Variants in RERE observed in about 807,000 individuals in gnomAD.
RERE encodes arginine-glutamic acid dipeptide repeats protein.
A neutral mutation model predicts 146.1 loss-of-function variants in RERE; 40 were observed. The observed-to-expected ratio is 0.27, with a 90% CI of 0.21 to 0.36. The LOEUF (loss-of-function observed/expected upper bound fraction) is 0.36. Ranked by LOEUF, RERE falls within the 10% of genes least tolerant of loss-of-function variation. RERE has a pLI of 1.00. For missense variants in RERE, 1,933 were observed against 2,138.7 expected (o/e 0.90, Z 1.90); for synonymous variants, 1,003 against 866.0 (o/e 1.16, Z -2.78).
At chr1:8,501,020 C>A (rs112220228) in intron 8 of RERE, among the ~76,000 whole-genome samples, 1 of 108,296 alleles carries the variant, frequency 9.2e-6, no homozygotes, top group Non-Finnish European at 2.0e-5. Context: ...CCGGCAGCCA[C>A]CCCGTCCGGG....
At position 8,797,038 on chromosome 1, in the gene RERE, G is replaced by C. The variant is rs6683767; in HGVS notation, c.-145+20122C>G. Among the ~76,000 whole-genome samples, 535 of 151,890 alleles carry C rather than the reference G, an allele frequency of 3.5e-3. 6 individuals carry two copies. Among genetic ancestry groups the C allele is most frequent in the African/African-American group, 0.012 (509 of 41,394 alleles). ...GGGCTGTCAGAGGACCCAACAGACG[G>C]AAGCCAGTGCTAGAAGACAGAACTA... On this transcript the variant is annotated intron_variant, in intron 1 of 22. Transcript: ENST00000400908.
intron 10 of RERE, among the ~76,000 whole-genome samples, chr1:8,481,179 C>T (rs921822181): frequency 2.0e-5 from 3 of 152,054 alleles, no homozygotes; most frequent in Non-Finnish European, 2.9e-5. Flanking sequence ...TGCAGTGGCG[C>T]GATCTCGGCT....
chr1:8,725,461 G>A (rs1639943797), intron 1 of RERE, among the ~76,000 whole-genome samples: 1 of 152,178 alleles, frequency 6.6e-6, no homozygotes, highest in African/African-American at 2.4e-5. Flanking sequence ...AGCTACTCAG[G>A]AGGCTGAGGC....
intron 10 of RERE, among the ~76,000 whole-genome samples, chr1:8,467,993 T>C (rs1644625568): frequency 1.3e-5 from 2 of 152,292 alleles, no homozygotes; most frequent in Middle Eastern, 3.4e-3. Context: ...GTATTAAAAA[T>C]TTGAATTTCC....
intron 4 of RERE, among the ~76,000 whole-genome samples, chr1:8,573,514 A>G (rs1033525718): frequency 6.6e-6 from 1 of 152,226 alleles, no homozygotes; most frequent in African/African-American, 2.4e-5. Context: ...CTTCATATAC[A>G]GCACATCACA....
chr1:8,640,710 A>G (rs1452943802), intron 2 of RERE, among the ~76,000 whole-genome samples: 1 of 152,234 alleles, frequency 6.6e-6, no homozygotes, highest in Non-Finnish European at 1.5e-5. Context: ...TATGAATTCA[A>G]TGGACTTGGT....
intron 4 of RERE, among the ~76,000 whole-genome samples, chr1:8,592,800 T>C (rs1646511092): frequency 6.6e-6 from 1 of 152,178 alleles, no homozygotes; most frequent in South Asian, 2.1e-4. Context: ...TGCGTGGAGA[T>C]AATCCATGTT....
chr1:8,726,147 C>CTTTTCTTTTT lies in RERE; in HGVS notation c.-144-69707_-144-69706insAAAAAGAAAA, dbSNP rs1639960710. On this transcript the variant is annotated intron_variant, in intron 1 of 22. Transcript: ENST00000400908. ...AATTCCAGTTTTCCTTTTTTCTTTT[C>CTTTTCTTTTT]TTTTTTTTTTTTTTTTTTTTTTTTT... Among the ~76,000 whole-genome samples the CTTTTCTTTTT allele has an allele frequency of 2.7e-4, 19 of 69,392 alleles. 1 individual carries two copies. Among genetic ancestry groups the CTTTTCTTTTT allele is most frequent in the African/African-American group, 1.1e-3 (17 of 15,334 alleles). 45.5% of individuals were successfully genotyped at this position (69,392 alleles called of 152,430 possible). A position where few individuals can be genotyped will look rare whatever the true frequency, so the allele number is the denominator to read the frequency against.
intron 1 of RERE, among the ~76,000 whole-genome samples, chr1:8,713,320 A>T (rs1639704012): frequency 6.6e-6 from 1 of 152,240 alleles, no homozygotes; most frequent in South Asian, 2.1e-4. Flanking sequence ...TTAAAATCAA[A>T]TGTAAAAATG....
chr1:8,627,350 T>A (rs1398331525), intron 2 of RERE, among the ~76,000 whole-genome samples: 5 of 151,140 alleles, frequency 3.3e-5, no homozygotes, highest in African/African-American at 4.9e-5. Context: ...TTAAAAAAAA[T>A]AAAAAATAAA....
Position 8,751,891 on chromosome 1 carries a change from A to G in RERE, c.-145+65269T>C, listed in dbSNP as rs556339578. Among the ~76,000 whole-genome samples, 8 of 152,004 alleles carry G rather than the reference A, an allele frequency of 5.3e-5. No homozygotes were observed. The East Asian group carries it at 1.5e-3, about 29-fold the overall frequency. On this transcript the variant is annotated intron_variant, in intron 1 of 22. Coordinates refer to ENST00000400908, the MANE Select transcript of RERE (RefSeq NM_001042681.2). ...AGACTTGATTCTAAGAAGTCATAATAGAATTTTCAGCACTTGACTGTAGTA... is the reference window on the plus strand; with the variant it reads ...AGACTTGATTCTAAGAAGTCATAATGGAATTTTCAGCACTTGACTGTAGTA...
chr1:8,729,217 A>ATT (rs1173630956), intron 1 of RERE, among the ~76,000 whole-genome samples: 2,962 of 100,416 alleles, frequency 0.029, 91 homozygotes, highest in Non-Finnish European at 0.043. Flanking sequence ...AGCTACACCG[A>ATT]TTTTTTTTTT....
chr1:8,783,593 T>C (rs1054662847), intron 1 of RERE, among the ~76,000 whole-genome samples: 1 of 152,074 alleles, frequency 6.6e-6, no homozygotes, highest in African/African-American at 2.4e-5. Flanking sequence ...CTGTTTGAAC[T>C]CAGGAGTTTG....
rs1645564229 is a variant in RERE, at chr1:8,525,868, C to T, written c.830+15346G>A. The stretch of plus-strand genomic sequence containing the variant: ...ACTCTGCCCTTTTCTACACTAACAA[C>T]TCAAAATGGAGGCACATGCAGTCTC... On this transcript the variant is annotated intron_variant, in intron 7 of 22. Coordinates refer to ENST00000400908, the MANE Select transcript of RERE (RefSeq NM_001042681.2). 2.0e-6 allele frequency: 3 copies of T among 1,473,106 alleles called. No homozygotes were observed. The East Asian group carries it at 7.8e-5, about 39-fold the overall frequency. 91.3% of individuals were successfully genotyped at this position (1,473,106 alleles called of 1,614,324 possible). A position where few individuals can be genotyped will look rare whatever the true frequency, so the allele number is the denominator to read the frequency against.
intron 7 of RERE, among the ~76,000 whole-genome samples, chr1:8,533,920 A>G (rs1053106376): frequency 1.3e-5 from 2 of 152,270 alleles, no homozygotes; most frequent in African/African-American, 4.8e-5. Context: ...CTGTTTTATT[A>G]AAGTTATCTT....
intron 1 of RERE, among the ~76,000 whole-genome samples, chr1:8,733,848 C>T (rs1392781633): frequency 6.6e-6 from 1 of 152,226 alleles, no homozygotes; most frequent in South Asian, 2.1e-4. Flanking sequence ...CGGTGGCTCA[C>T]GCCTATAATC....
At chr1:8,523,222 G>A (rs923374663) in intron 7 of RERE, among the ~76,000 whole-genome samples, 5 of 152,116 alleles carry the variant, frequency 3.3e-5, no homozygotes, top group Admixed American at 1.3e-4. Context: ...AAAGTGACAT[G>A]TCAATTAAAC....
intron 10 of RERE, among the ~76,000 whole-genome samples, chr1:8,470,131 C>CA (rs1181179729): frequency 6.6e-6 from 1 of 151,978 alleles, no homozygotes; most frequent in Non-Finnish European, 1.5e-5. Context: ...CCCTATTCCT[C>CA]AAAAAAATAG....
At chr1:8,535,998 T>C (rs898325301) in intron 7 of RERE, among the ~76,000 whole-genome samples, 4 of 149,826 alleles carry the variant, frequency 2.7e-5, no homozygotes, top group African/African-American at 9.9e-5. Flanking sequence ...CCCAGCTACT[T>C]GGGAGGCTGA....
Sources: allele counts gnomAD v4.1 joint callset (sites outside exome capture counted in the v4.1 genomes callset), GRCh38; gene constraint gnomAD v4.1.1; transcripts MANE v1.5; gene names NCBI Gene and HGNC (gene_info 2026-07-23, HGNC 2026-07-21).